The following NEK7 variants were observed in gnomAD, a reference collection of about 807,000 sequenced individuals.
NEK7 encodes the protein serine/threonine-protein kinase Nek7.
Under a neutral mutation model 44.6 loss-of-function variants are expected in NEK7, and 18 were observed. That is an observed-to-expected ratio of 0.40 (90% CI 0.28 to 0.60). NEK7 has a LOEUF of 0.60. Among genes scored for constraint, NEK7 ranks in the 20% least tolerant of loss-of-function variants. The pLI, the probability that NEK7 is intolerant of heterozygous loss-of-function variation, is 0.38. For missense variants in NEK7, 256 were observed against 366.5 expected, an observed-to-expected ratio of 0.70 and a Z score of 2.46; for synonymous variants, 130 against 121.1, an observed-to-expected ratio of 1.07 and a Z score of -0.48.
intron 8 of NEK7, among the ~76,000 whole-genome samples, chr1:198,293,676 C>A (rs1410144037): frequency 1.3e-5 from 2 of 151,884 alleles, no homozygotes; most frequent in Non-Finnish European, 3.0e-5. Context: ...ACACATTTTA[C>A]ATCTGTGTTG....
chr1:198,283,469 G>T (rs1036974841), intron 7 of NEK7, among the ~76,000 whole-genome samples: 9 of 151,652 alleles, frequency 5.9e-5, no homozygotes, highest in African/African-American at 2.2e-4. Context: ...CGGTTGTTTG[G>T]TTTTTTTTGG....
At chr1:198,278,091 C>T (rs776687699) in intron 6 of NEK7, 22 bp downstream of exon 6, 1 of 1,235,906 alleles carries the variant, frequency 8.1e-7, no homozygotes, top group Non-Finnish European at 1.2e-6. Flanking sequence ...TCATTAAGTA[C>T]TTTTAATCTT....
intron 1 of NEK7, among the ~76,000 whole-genome samples, chr1:198,182,378 G>T (rs1299048625): frequency 6.6e-6 from 1 of 151,942 alleles, no homozygotes; most frequent in African/African-American, 2.4e-5. Context: ...AATCTCTTAG[G>T]CCTTGAACTG....
At chr1:198,195,838 G>A (rs989041880) in intron 1 of NEK7, among the ~76,000 whole-genome samples, 66 of 151,792 alleles carry the variant, frequency 4.3e-4, no homozygotes, top group African/African-American at 1.5e-3. Flanking sequence ...AATTTAACCC[G>A]AATATGCACT....
intron 3 of NEK7, among the ~76,000 whole-genome samples, chr1:198,255,571 G>C (rs923377701): frequency 6.6e-6 from 1 of 152,140 alleles, no homozygotes; most frequent in Non-Finnish European, 1.5e-5. Context: ...TATTGATTGG[G>C]AATTTGAATA....
chr1:198,241,472 A>T (rs1249049368), intron 2 of NEK7, among the ~76,000 whole-genome samples: 1 of 152,204 alleles, frequency 6.6e-6, no homozygotes, highest in Non-Finnish European at 1.5e-5. Context: ...GAGTACCTGG[A>T]ATTAATTTAA....
intron 1 of NEK7, among the ~76,000 whole-genome samples, chr1:198,162,499 A>G (rs1440877577): frequency 6.6e-6 from 1 of 152,226 alleles, no homozygotes; most frequent in Non-Finnish European, 1.5e-5. Flanking sequence ...CGCAACTCAT[A>G]AAGTTGCCTT....
intron 2 of NEK7, among the ~76,000 whole-genome samples, chr1:198,250,201 A>G (rs1394620293): frequency 1.4e-5 from 2 of 147,994 alleles, no homozygotes; most frequent in African/African-American, 2.5e-5. Context: ...GATATGTGGC[A>G]TTATTTCTGA....
chr1:198,273,874 A>G (rs1297097624), intron 5 of NEK7, among the ~76,000 whole-genome samples: 1 of 151,752 alleles, frequency 6.6e-6, no homozygotes, highest in Admixed American at 6.6e-5. Context: ...ATTATATTTT[A>G]GAAGTGGTGG....
At chr1:198,159,202 C>T (rs183156316) in intron 1 of NEK7, among the ~76,000 whole-genome samples, 4 of 152,258 alleles carry the variant, frequency 2.6e-5, no homozygotes, top group Admixed American at 2.6e-4. Context: ...GCGGGTACTT[C>T]CTACTCCAGC....
intron 8 of NEK7, among the ~76,000 whole-genome samples, chr1:198,295,237 A>G (rs1378349532): frequency 6.6e-6 from 1 of 152,128 alleles, no homozygotes; most frequent in East Asian, 1.9e-4. Flanking sequence ...CAGCGCAGCA[A>G]TTGCATCCTT....
chr1:198,272,952 G>A (rs1350799201), intron 5 of NEK7, among the ~76,000 whole-genome samples: 1 of 151,582 alleles, frequency 6.6e-6, no homozygotes, highest in African/African-American at 2.4e-5. Flanking sequence ...TTTCCCTCAA[G>A]GTGTAATTGC....
chr1:198,258,476 T>C (rs1355904549), intron 3 of NEK7, among the ~76,000 whole-genome samples: 2 of 152,132 alleles, frequency 1.3e-5, no homozygotes, highest in African/African-American at 4.8e-5. Context: ...GCTTAGTATA[T>C]ATTTTTAAGT....
intron 5 of NEK7, among the ~76,000 whole-genome samples, chr1:198,274,863 T>G (rs967173788): frequency 6.6e-6 from 1 of 151,774 alleles, no homozygotes; most frequent in African/African-American, 2.4e-5. Flanking sequence ...GATGTGACTA[T>G]TTTCCCAAAA....
At chr1:198,184,217 A>T (rs544841082) in intron 1 of NEK7, among the ~76,000 whole-genome samples, 49 of 152,116 alleles carry the variant, frequency 3.2e-4, no homozygotes, top group Non-Finnish European at 6.0e-4. Context: ...TCACTGGGCA[A>T]TTTTCACAAA....
At chr1:198,301,972 G>A (rs566595047) in intron 9 of NEK7, among the ~76,000 whole-genome samples, 7 of 152,290 alleles carry the variant, frequency 4.6e-5, no homozygotes, top group African/African-American at 1.7e-4. Context: ...TCAAAAACTT[G>A]ATAGTTCAGT....
intron 1 of NEK7, among the ~76,000 whole-genome samples, chr1:198,159,267 G>A (rs114301976): frequency 0.024 from 3,707 of 152,204 alleles, 72 homozygotes; most frequent in African/African-American, 0.046. Flanking sequence ...CTGCGGAAGG[G>A]GCGCCAGGCT....
At chr1:198,281,067 A>G (rs1334582664) in intron 7 of NEK7, among the ~76,000 whole-genome samples, 1 of 151,938 alleles carries the variant, frequency 6.6e-6, no homozygotes, top group African/African-American at 2.4e-5. Flanking sequence ...CATTGAATAC[A>G]AATAATTAAA....
intron 1 of NEK7, chr1:198,197,806 G>C: frequency 1.3e-6 from 1 of 749,996 alleles, no homozygotes; most frequent in Non-Finnish European, 2.4e-6. Context: ...TGGAAGAGGA[G>C]GAGGAATGCT....
Sources: gnomAD v4.1 joint callset for allele counts (sites outside exome capture counted in the v4.1 genomes callset) on GRCh38, gnomAD v4.1.1 for gene constraint, MANE v1.5 for transcripts, NCBI Gene and HGNC (gene_info 2026-07-23, HGNC 2026-07-21) for gene names.